Variants in ARID4B observed in about 807,000 individuals in gnomAD.
ARID4B encodes AT-rich interactive domain-containing protein 4B.
A neutral mutation model predicts 147.5 loss-of-function variants in ARID4B; 26 were observed. The observed-to-expected ratio is 0.18, with a 90% confidence interval of 0.13 to 0.24. The LOEUF is 0.24. Ranked by LOEUF, ARID4B falls within the 10% of genes least tolerant of loss-of-function variation. The pLI is 1.00. For synonymous variants in ARID4B, 512 were observed against 507.9 expected (o/e 1.01, Z -0.11); for missense variants, 1,179 against 1,511.5 (o/e 0.78, Z 3.65).
chr1:235,286,587 T>C (rs770149263), intron 2 of ARID4B, among the ~76,000 whole-genome samples: 5 of 152,168 alleles, frequency 3.3e-5, no homozygotes, highest in Non-Finnish European at 7.3e-5. Flanking sequence ...AGAATTCTGA[T>C]GGGTTGAAAT....
chr1:235,219,316 C>A (rs1423486824), intron 16 of ARID4B, among the ~76,000 whole-genome samples: 1 of 152,134 alleles, frequency 6.6e-6, no homozygotes, highest in Non-Finnish European at 1.5e-5. Flanking sequence ...ATTACATTGT[C>A]AAATAATTCA....
Position 235,226,447 on chromosome 1 carries a change from G to C in ARID4B, c.898-1672C>G, listed in dbSNP as rs1412908532. Among the ~76,000 whole-genome samples, 4 of 150,288 alleles carry C rather than the reference G, an allele frequency of 2.7e-5. No individual in the cohort carries two copies. In the East Asian group the frequency reaches 7.7e-4, roughly 29 times the overall value. On this transcript the variant is annotated intron_variant, in intron 11 of 23. Coordinates refer to ENST00000264183, the MANE Select transcript of ARID4B (RefSeq NM_016374.6). ...GTCATCTCGGCTCACTGCAACCTCC[G>C]CTTCCTGGGTTCAAGCAATCCTGCT...
At chr1:235,297,583 A>G (rs938327058) in intron 2 of ARID4B, among the ~76,000 whole-genome samples, 1 of 152,196 alleles carries the variant, frequency 6.6e-6, no homozygotes, top group Non-Finnish European at 1.5e-5. Context: ...AGTTGATAAG[A>G]ACTTTATAAA....
At chr1:235,324,305 T>C (rs1675061537) in intron 2 of ARID4B, among the ~76,000 whole-genome samples, 3 of 152,204 alleles carry the variant, frequency 2.0e-5, no homozygotes, top group African/African-American at 4.8e-5. Flanking sequence ...TCCTTATGTA[T>C]TACGAATCAT....
chr1:235,283,684 T>A (rs563336909), intron 2 of ARID4B, among the ~76,000 whole-genome samples: 1 of 152,296 alleles, frequency 6.6e-6, no homozygotes, highest in East Asian at 1.9e-4. Flanking sequence ...CTGATACTTT[T>A]AAGAAAAAGT....
At chr1:235,208,532 C>T (rs749622967) in intron 17 of ARID4B, among the ~76,000 whole-genome samples, 3 of 149,394 alleles carry the variant, frequency 2.0e-5, no homozygotes, top group Non-Finnish European at 4.4e-5. Context: ...GATGGAGTTT[C>T]GCTCTTGTTG....
At chr1:235,309,573 T>C (rs868101078) in intron 2 of ARID4B, among the ~76,000 whole-genome samples, 429 of 39,248 alleles carry the variant, frequency 0.011, no homozygotes, top group South Asian at 0.036. Context: ...CCCCGCCCGG[T>C]CAGCCGCCCC....
Position 235,182,758 on chromosome 1 carries a change from C to A in ARID4B, c.2161G>T (p.Asp721Tyr). Residue 721 changes from aspartate (D) to tyrosine (Y), a missense_variant, in exon 20 of 24, where the codon GAT (aspartate) becomes TAT (tyrosine). Transcript: ENST00000264183. ...TCCATGTCTTGAGCACCTCTCTCATCTTCCTGCTCACTGTCTTCAGCAGAA... is the reference window on the plus strand; with the variant it reads ...TCCATGTCTTGAGCACCTCTCTCATATTCCTGCTCACTGTCTTCAGCAGAA... ...ESSAEDSEQE[D>Y]ERGAQDMDNN... 1 of 1,600,072 alleles carries A rather than the reference C, an allele frequency of 6.2e-7. No individual in the cohort carries two copies. Among genetic ancestry groups the A allele is most frequent in the East Asian group, 2.2e-5 (1 of 44,708 alleles).
intron 17 of ARID4B, among the ~76,000 whole-genome samples, chr1:235,210,638 G>C (rs1220233103): frequency 6.6e-6 from 1 of 152,170 alleles, no homozygotes; most frequent in East Asian, 1.9e-4. Context: ...TCTCCATGAT[G>C]TTGGAGTGTA....
At chr1:235,173,636 C>A (rs1420205340) in intron 22 of ARID4B, among the ~76,000 whole-genome samples, 1 of 146,344 alleles carries the variant, frequency 6.8e-6, no homozygotes, top group African/African-American at 2.5e-5. Flanking sequence ...GTGGCTCACA[C>A]CTGTAATCCT....
At chr1:235,223,685 A>AT (rs58659735) in intron 12 of ARID4B, among the ~76,000 whole-genome samples, 13,984 of 134,582 alleles carry the variant, frequency 0.1, 945 homozygotes, top group Middle Eastern at 0.18. Context: ...GTAAAGCTAC[A>AT]TTTTTTTTTT....
chr1:235,310,746 T>C (rs1243803016), intron 2 of ARID4B, among the ~76,000 whole-genome samples: 2 of 152,156 alleles, frequency 1.3e-5, no homozygotes, highest in Non-Finnish European at 2.9e-5. Context: ...ACAGCTCCAC[T>C]GCAGACTTGA....
In ARID4B at chr1:235,229,489, A is replaced by G. The variant is rs960003105; in HGVS notation, c.743-104T>C. On this transcript the variant is annotated intron_variant, in intron 10 of 23. Coordinates refer to ENST00000264183, the MANE Select transcript of ARID4B (RefSeq NM_016374.6). ...AAATAAAAACTACTGTGCTAATACC[A>G]CTGACATTTATTGTTTGCTATGTAC... 1.8e-5 allele frequency: 14 copies of G among 781,302 alleles called. No individual in the cohort carries two copies. The South Asian group carries it at 2.0e-4, about 11-fold the overall frequency. 48.4% of individuals were successfully genotyped at this position (781,302 alleles called of 1,614,324 possible). A position where few individuals can be genotyped will look rare whatever the true frequency, so the allele number is the denominator to read the frequency against.
intron 2 of ARID4B, among the ~76,000 whole-genome samples, chr1:235,295,683 G>A (rs537052777): frequency 1.3e-5 from 2 of 151,930 alleles, no homozygotes; most frequent in African/African-American, 2.4e-5. Flanking sequence ...GGTGGAGGGT[G>A]CCTATAATCC....
At chr1:235,250,020 T>C (rs927193061) in intron 6 of ARID4B, among the ~76,000 whole-genome samples, 20 of 151,130 alleles carry the variant, frequency 1.3e-4, no homozygotes, top group African/African-American at 4.6e-4. Context: ...GGCAGCAGAA[T>C]GGCGTGAACC....
intron 2 of ARID4B, among the ~76,000 whole-genome samples, chr1:235,280,798 A>C (rs1270227755): frequency 6.6e-6 from 1 of 152,240 alleles, no homozygotes; most frequent in Non-Finnish European, 1.5e-5. Flanking sequence ...CTGGCAAGGC[A>C]GTGGGGATAA....
chr1:235,284,996 T>C (rs1347879087), intron 2 of ARID4B, among the ~76,000 whole-genome samples: 1 of 152,092 alleles, frequency 6.6e-6, no homozygotes, highest in Non-Finnish European at 1.5e-5. Flanking sequence ...CTCCAACTCC[T>C]GAAGTCAAGT....
At chr1:235,248,225 T>G (rs1669423726) in intron 6 of ARID4B, among the ~76,000 whole-genome samples, 1 of 151,954 alleles carries the variant, frequency 6.6e-6, no homozygotes, top group Non-Finnish European at 1.5e-5. Flanking sequence ...CTAATTTTTG[T>G]TTTTTGTAGA....
At chr1:235,294,009 A>G (rs1672509497) in intron 2 of ARID4B, among the ~76,000 whole-genome samples, 1 of 152,200 alleles carries the variant, frequency 6.6e-6, no homozygotes, top group Admixed American at 6.5e-5. Flanking sequence ...AAAACTGATC[A>G]TCTACAAATA....
Sources: gnomAD v4.1 joint callset for allele counts (sites outside exome capture counted in the v4.1 genomes callset) on GRCh38, gnomAD v4.1.1 for gene constraint, MANE v1.5 for transcripts, NCBI Gene and HGNC (gene_info 2026-07-23, HGNC 2026-07-21) for gene names.